Variants in NDE1 observed in about 807,000 individuals in gnomAD.
The protein encoded by NDE1 is nuclear distribution protein nudE homolog 1.
A neutral mutation model predicts 43.4 loss-of-function variants in NDE1; 28 were observed. The ratio of observed to expected loss-of-function variants is 0.65; its 90% CI spans 0.48 to 0.89. NDE1 has a LOEUF of 0.89. NDE1 is among the 40% of genes least tolerant of loss of function. The pLI is 0.00. For synonymous variants in NDE1, 184 were observed against 172.0 expected (o/e 1.07, Z -0.55); for missense variants, 441 against 434.1 (o/e 1.02, Z -0.14).
intron 8 of NDE1, among the ~76,000 whole-genome samples, chr16:15,697,469 G>C (rs2039067330): frequency 6.6e-6 from 1 of 152,124 alleles, no homozygotes; most frequent in Non-Finnish European, 1.5e-5. Flanking sequence ...AGCAGTCTGG[G>C]AGGCCAAGGC....
chr16:15,694,531 G>T (rs1425611038), intron 7 of NDE1: 2 of 790,784 alleles, frequency 2.5e-6, no homozygotes, highest in African/African-American at 1.9e-5. Context: ...TTTTTTTGTA[G>T]TAATGTGGGT....
intron 5 of NDE1, among the ~76,000 whole-genome samples, chr16:15,690,043 C>T (rs2038653133): frequency 6.6e-6 from 1 of 151,470 alleles, no homozygotes; most frequent in Admixed American, 6.6e-5. Context: ...GTCTGGAAAG[C>T]ATACTTTATT....
chr16:15,715,319 C>T (rs750733022), intron 8 of NDE1: 10 of 1,592,076 alleles, frequency 6.3e-6, no homozygotes, highest in East Asian at 2.2e-5. Context: ...GGGTGGCACC[C>T]CTTGTAGCTG....
At chr16:15,686,588 GGATCTC>G in intron 4 of NDE1, 1 of 973,196 alleles carries the variant, frequency 1.0e-6, no homozygotes, top group African/African-American at 1.8e-5. Flanking sequence ...TGAGGCGGGA[GGATCTC>G]TTGAGCCCAA....
Position 15,718,130 on chromosome 16 carries a change from C to T in NDE1, c.948-6061C>T. On this transcript the variant is annotated intron_variant, in intron 8 of 8. Coordinates refer to ENST00000396354, the MANE Select transcript of NDE1 (RefSeq NM_017668.3). ...ACACTGCAGCGTGGAGAGGAGTATT[C>T]TGAAGACAGCAGCCTGGGCACTGGT... The T allele has an allele frequency of 3.3e-6, 3 of 918,244 alleles. No homozygotes were observed. In the South Asian group the frequency reaches 4.5e-5, roughly 14 times the overall value. The allele number at this position is 918,244 out of a possible 1,614,324, so 56.9% of individuals were successfully genotyped here. A position where few individuals can be genotyped will look rare whatever the true frequency, so the allele number is the denominator to read the frequency against.
intron 8 of NDE1, chr16:15,720,720 G>A (rs1156433568): frequency 3.4e-5 from 38 of 1,125,044 alleles, no homozygotes; most frequent in East Asian, 7.4e-5. Context: ...GCGACAGAGC[G>A]AGACTCTGTT....
At chr16:15,648,098 GTTTATA>G (rs1484550862), upstream of NDE1, among the ~76,000 whole-genome samples, 9 of 151,914 alleles carry the variant, frequency 5.9e-5, no homozygotes, top group South Asian at 1.2e-3. Flanking sequence ...CACTGTAGGT[GTTTATA>G]TTTATGGGGT....
chr16:15,685,694 C>G (rs904414290), intron 4 of NDE1, among the ~76,000 whole-genome samples: 1 of 151,998 alleles, frequency 6.6e-6, no homozygotes, highest in African/African-American at 2.4e-5. Context: ...TTAATCAGTG[C>G]AGTTATTAAT....
intron 1 of NDE1, among the ~76,000 whole-genome samples, chr16:15,644,449 C>G (rs2036258655): frequency 1.3e-5 from 2 of 152,170 alleles, no homozygotes; most frequent in Admixed American, 1.3e-4. Context: ...AGCACACATC[C>G]TCTCCCTGCG....
intron 5 of NDE1, among the ~76,000 whole-genome samples, chr16:15,687,839 G>T (rs966891686): frequency 2.6e-5 from 4 of 152,196 alleles, no homozygotes; most frequent in African/African-American, 9.6e-5. Flanking sequence ...TTCCTGGTCT[G>T]TAATTCACAA....
chr16:15,657,171 C>G (rs1181039504), intron 1 of NDE1, among the ~76,000 whole-genome samples: 1 of 151,664 alleles, frequency 6.6e-6, no homozygotes, highest in African/African-American at 2.4e-5. Context: ...GATCTTGGCT[C>G]ACTGCAACCT....
At chr16:15,687,946 C>A (rs1476650756) in intron 5 of NDE1, among the ~76,000 whole-genome samples, 1 of 152,038 alleles carries the variant, frequency 6.6e-6, no homozygotes, top group Non-Finnish European at 1.5e-5. Context: ...CTTTGGGAGG[C>A]CGAGGATCTC....
In NDE1 at chr16:15,712,882, GT is replaced by G. The variant is rs59799809; in HGVS notation, c.948-11296del. The G allele has an allele frequency of 2.9e-4, 26 of 90,598 alleles. 1 individual carries two copies. The highest frequency in any genetic ancestry group is 7.5e-4 in the East Asian group (2 of 2,672). The allele number at this position is 90,598 out of a possible 1,614,324, so 5.6% of individuals were successfully genotyped here. On this transcript the variant is annotated intron_variant, in intron 8 of 8. Transcript: ENST00000396354. ...GGGAACCAGCAACTCTTCACATACA[GT>G]TTTTTTTTTTTTGAGACCGAGTCTC...
chr16:15,644,321 T>C (rs1308154756), intron 1 of NDE1, among the ~76,000 whole-genome samples: 2 of 152,226 alleles, frequency 1.3e-5, no homozygotes, highest in Non-Finnish European at 2.9e-5. Context: ...CCCCATTACG[T>C]GGGGATTAAC....
chr16:15,724,174 C>T lies in NDE1; in HGVS notation c.948-17C>T. 1.2e-6 allele frequency: 2 copies of T among 1,613,768 alleles called. No homozygotes were observed. The highest frequency in any genetic ancestry group is 2.2e-5 in the East Asian group (1 of 44,888). On this transcript the variant is annotated splice_polypyrimidine_tract_variant and intron_variant, in intron 8 of 8. Transcript: ENST00000396354. ...CACGCCCTCTACCTGATCAAATTTC[C>T]TCTGCTTCTTTTCCAGGTTGGACAC...
chr16:15,686,480 T>C, intron 4 of NDE1: 1 of 985,408 alleles, frequency 1.0e-6, no homozygotes, highest in Non-Finnish European at 1.2e-6. Context: ...CATTTTGAAC[T>C]TCCACTGAGA....
At chr16:15,692,710 CCA>C (rs1238203136) in intron 6 of NDE1, among the ~76,000 whole-genome samples, 10 of 151,700 alleles carry the variant, frequency 6.6e-5, no homozygotes, top group Admixed American at 2.6e-4. Flanking sequence ...GTGCCTAGCC[CCA>C]GTCTAGAGCC....
At chr16:15,668,454 A>G (rs1251623338) in intron 3 of NDE1, among the ~76,000 whole-genome samples, 2 of 152,228 alleles carry the variant, frequency 1.3e-5, no homozygotes, top group East Asian at 1.9e-4. Flanking sequence ...TTATAGAGAC[A>G]GGGTTTCGCT....
rs2039605613 is a variant in NDE1, at chr16:15,708,747, C to G, written c.947+11887C>G. ...GGGGTGGGCAGAGGGGCGCATTGGG[C>G]AGAAAAGAAATGGATACTGAGACAA... On this transcript the variant is annotated intron_variant, in intron 8 of 8. Coordinates refer to ENST00000396354, the MANE Select transcript of NDE1 (RefSeq NM_017668.3). 3.8e-6 allele frequency: 6 copies of G among 1,568,536 alleles called. No homozygotes were observed. The South Asian group carries it at 5.8e-5, about 15-fold the overall frequency.
Sources: allele counts gnomAD v4.1 joint callset (sites outside exome capture counted in the v4.1 genomes callset), GRCh38; gene constraint gnomAD v4.1.1; transcripts MANE v1.5; gene names NCBI Gene and HGNC (gene_info 2026-07-23, HGNC 2026-07-21).